Variants in ATRX observed in about 807,000 individuals in gnomAD.
ATRX encodes the protein ATRX chromatin remodeler.
ATRX carries 12 observed loss-of-function variants against 172.6 expected under a neutral mutation model. That is an observed-to-expected ratio of 0.07 (90% CI 0.04 to 0.11). The LOEUF is 0.11. Ranked by LOEUF, ATRX falls within the 10% of genes least tolerant of loss-of-function variation. The probability of loss-of-function intolerance (pLI) is 1.00; values close to 1 mark genes in which losing one functional copy is unlikely to be tolerated. For missense variants in ATRX, 1,368 were observed against 1,767.4 expected (o/e 0.77, Z 4.05); for synonymous variants, 674 against 594.7 (o/e 1.13, Z -1.94).
At chrX:77,576,142 A>G (rs1286377385) in intron 27 of ATRX, among the ~76,000 whole-genome samples, 1 of 111,695 alleles carries the variant, frequency 9.0e-6, no homozygotes, top group African/African-American at 3.2e-5. Context: ...AAGAAGTACA[A>G]CCCTACTAGT....
intron 9 of ATRX, among the ~76,000 whole-genome samples, chrX:77,677,084 G>A (rs1394584306): frequency 9.3e-6 from 1 of 107,661 alleles, no homozygotes; most frequent in Non-Finnish European, 1.9e-5. Flanking sequence ...ATCGCACCAC[G>A]GCACTCCAGC....
chrX:77,751,120 TG>T (rs1347502911), intron 1 of ATRX, among the ~76,000 whole-genome samples: 1 of 112,412 alleles, frequency 8.9e-6, no homozygotes, highest in Non-Finnish European at 1.9e-5. Context: ...TCTTCCACAA[TG>T]GTTGAACTAA....
At chrX:77,571,796 T>C (rs960707829) in intron 28 of ATRX, among the ~76,000 whole-genome samples, 21 of 111,474 alleles carry the variant, frequency 1.9e-4, no homozygotes, top group Non-Finnish European at 3.4e-4. Flanking sequence ...GGTGAATCTA[T>C]AATCATTTCT....
chrX:77,717,070 TA>T (rs2073473918), intron 2 of ATRX, 60 bp downstream of exon 2: 2 of 957,076 alleles, frequency 2.1e-6, no homozygotes, highest in Admixed American at 2.4e-5. Flanking sequence ...GTTACCTCCA[TA>T]AGTGTAAAAA....
rs150429841 is a variant in ATRX, at chrX:77,682,321, C to G, written c.2935G>C (p.Glu979Gln). The G allele has an allele frequency of 8.3e-7, 1 of 1,204,289 alleles. No individual in the cohort carries two copies. The highest frequency in any genetic ancestry group is 1.1e-6 in the Non-Finnish European group (1 of 893,521). Residue 979 changes from glutamate (E) to glutamine (Q), a missense_variant, in exon 9 of 35, where the codon GAA becomes CAA. Physicochemically the swap from Glu to Gln is conservative, Grantham distance 29 (BLOSUM62 2). This residue lies in a region of ATRX where 843 missense variants were observed against 643.1 expected (regional missense o/e 1.31). Coordinates refer to ENST00000373344, the MANE Select transcript of ATRX (RefSeq NM_000489.6). ...TTTTTGCTCTGCTTTTTATCATCTT[C>G]AGAAGTTTCATCGCTCTGGTCTTTC... Reference protein sequence around the residue: ...LKKDQSDETSEDDKKQSKKGT... With the variant: ...LKKDQSDETSQDDKKQSKKGT...
intron 1 of ATRX, among the ~76,000 whole-genome samples, chrX:77,775,167 A>G (rs1241053895): frequency 8.9e-6 from 1 of 112,030 alleles, no homozygotes; most frequent in Non-Finnish European, 1.9e-5. Flanking sequence ...AACAATTCAG[A>G]AAAATAATAA....
intron 16 of ATRX, among the ~76,000 whole-genome samples, 167 bp downstream of exon 16, chrX:77,635,748 T>C (rs1191621380): frequency 8.9e-6 from 1 of 111,831 alleles, no homozygotes; most frequent in African/African-American, 3.3e-5. Context: ...CCAATTTTGT[T>C]CTTCCTCATT....
chrX:77,720,102 G>T (rs1286567816), intron 1 of ATRX, among the ~76,000 whole-genome samples: 8 of 111,847 alleles, frequency 7.2e-5, no homozygotes, highest in Non-Finnish European at 1.3e-4. Flanking sequence ...AGAAATTAAG[G>T]CAGAAATAAA....
At chrX:77,569,137 C>T (rs1326480709) in intron 28 of ATRX, among the ~76,000 whole-genome samples, 1 of 109,804 alleles carries the variant, frequency 9.1e-6, no homozygotes, top group Non-Finnish European at 1.9e-5. Flanking sequence ...ACAAAAACAA[C>T]CCCCCCACCC....
intron 22 of ATRX, among the ~76,000 whole-genome samples, chrX:77,613,454 G>A (rs892326105): frequency 9.0e-6 from 1 of 111,581 alleles, no homozygotes; most frequent in East Asian, 2.8e-4. Context: ...CTTTGTTGTT[G>A]AGTTGTAGGA....
At chrX:77,740,078 T>A (rs1206207434) in intron 1 of ATRX, among the ~76,000 whole-genome samples, 20 of 28,737 alleles carry the variant, frequency 7.0e-4, no homozygotes, top group Non-Finnish European at 1.3e-3. Context: ...AAAAAAAAAA[T>A]TTTTAAAAAA....
intron 14 of ATRX, 126 bp from the exon 15 acceptor site, chrX:77,652,479 T>A: frequency 1.6e-6 from 1 of 632,243 alleles, no homozygotes; most frequent in Non-Finnish European, 2.2e-6. Flanking sequence ...AGAATTATAT[T>A]CAGCAATAGA....
At chrX:77,598,763 C>G (rs1035597569) in intron 25 of ATRX, among the ~76,000 whole-genome samples, 12 of 112,023 alleles carry the variant, frequency 1.1e-4, no homozygotes, top group African/African-American at 2.9e-4. Flanking sequence ...GTAAAGACAA[C>G]TTAAACCACT....
chrX:77,535,578 G>A (rs1345542761), intron 30 of ATRX, among the ~76,000 whole-genome samples: 4 of 111,561 alleles, frequency 3.6e-5, no homozygotes, highest in African/African-American at 6.5e-5. Context: ...AGCCTGAATC[G>A]AAACTCAATT....
At chrX:77,678,510 G>A (rs1234709037) in intron 9 of ATRX, among the ~76,000 whole-genome samples, 9 of 111,861 alleles carry the variant, frequency 8.0e-5, no homozygotes, top group Admixed American at 1.9e-4. Flanking sequence ...GTTTTGAGAC[G>A]GAGTCTCGCT....
rs1335323120 is a variant in ATRX, at chrX:77,506,780, T to A, written c.*1571A>T. On this transcript the variant is annotated 3_prime_UTR_variant, in exon 35 of 35. Transcript: ENST00000373344. ...GTGCTCTTGGATGTTTTACCACTAG[T>A]TCTTCCAAGATAAAAATGGCAATCT... 5.8e-5 allele frequency: 10 copies of A among 172,982 alleles called. No homozygotes were observed. Among genetic ancestry groups the A allele is most frequent in the Non-Finnish European group, 8.8e-5 (8 of 91,032 alleles). 14.3% of individuals were successfully genotyped at this position (172,982 alleles called of 1,213,427 possible). A position where few individuals can be genotyped will look rare whatever the true frequency, so the allele number is the denominator to read the frequency against.
chrX:77,549,499 G>A (rs1367485747), intron 30 of ATRX, among the ~76,000 whole-genome samples: 5 of 112,299 alleles, frequency 4.5e-5, no homozygotes, highest in Admixed American at 9.4e-5. Context: ...ATGTTAACAG[G>A]TTAGCTATCA....
chrX:77,686,863 G>C (rs781987779), intron 7 of ATRX, among the ~76,000 whole-genome samples: 1 of 109,993 alleles, frequency 9.1e-6, no homozygotes, highest in African/African-American at 3.3e-5. Flanking sequence ...GTGTATAAAA[G>C]ATTTTTGGCT....
At chrX:77,599,323 A>T in intron 25 of ATRX, 88 bp downstream of exon 25, 1 of 1,008,082 alleles carries the variant, frequency 9.9e-7, no homozygotes, top group South Asian at 2.0e-5. Context: ...TGAGTCAATT[A>T]GTCAGGTAAG....
Sources: gnomAD v4.1 joint callset for allele counts (sites outside exome capture counted in the v4.1 genomes callset) on GRCh38, gnomAD v4.1.1 for gene constraint, gnomAD v4.1.1 regional missense constraint, MANE v1.5 for transcripts, NCBI Gene and HGNC (gene_info 2026-07-23, HGNC 2026-07-21) for gene names.